The following RTEL1 variants were observed in gnomAD, a reference collection of about 807,000 sequenced individuals.
RTEL1 encodes regulator of telomere elongation helicase 1.
RTEL1 carries 86 observed loss-of-function variants against 162.2 expected under a neutral mutation model. That is an observed-to-expected ratio of 0.53 (90% CI 0.45 to 0.63). The LOEUF (loss-of-function observed/expected upper bound fraction) is 0.63, where lower values mean the gene tolerates loss of function less well. RTEL1 is among the 30% of genes least tolerant of loss of function. The probability of loss-of-function intolerance (pLI) is 0.00; values close to 1 mark genes in which losing one functional copy is unlikely to be tolerated. For missense variants in RTEL1, 1,941 were observed against 1,750.2 expected, an observed-to-expected ratio of 1.11 and a Z score of -1.95; for synonymous variants, 958 against 717.9, an observed-to-expected ratio of 1.33 and a Z score of -5.35.
In RTEL1 at chr20:63,661,648, G is replaced by C; in HGVS notation, c.301+152G>C. The C allele has an allele frequency of 1.0e-6, 1 of 971,436 alleles. No individual in the cohort carries two copies. The highest frequency in any genetic ancestry group is 1.5e-6 in the Non-Finnish European group (1 of 661,278). The allele number at this position is 971,436 out of a possible 1,614,324, so 60.2% of individuals were successfully genotyped here. ...AGCTGCTGTATAATTTCTCGCCATC[G>C]TGGGTGTAAACCTAGGGTTGGGCTT... On this transcript the variant is annotated intron_variant, in intron 3 of 34. Transcript: ENST00000360203. This position sits in a 1 kb window ranked among gnomAD's most constrained non-coding sequence, Gnocchi z 5.1.
chr20:63,659,919 G>C (rs772272210), intron 2 of RTEL1, among the ~76,000 whole-genome samples: 1 of 152,224 alleles, frequency 6.6e-6, no homozygotes, highest in Non-Finnish European at 1.5e-5. Flanking sequence ...ACAGCAAGGT[G>C]ATAGTGGGGA....
Position 63,674,088 on chromosome 20 carries a change from G to A in RTEL1, c.914G>A (p.Ser305Asn), listed in dbSNP as rs1450919419. The A allele has an allele frequency of 1.2e-6, 2 of 1,609,566 alleles. No homozygotes were observed. Among genetic ancestry groups the A allele is most frequent in the Non-Finnish European group, 1.7e-6 (2 of 1,178,328 alleles). Residue 305 changes from serine (S) to asparagine (N), a missense_variant, in exon 10 of 35, where the codon AGC becomes AAC. Ser to Asn is a conservative substitution (Grantham distance 46). Transcript: ENST00000360203. ...CCGGAGTTCAGCGCGGACTCCCCCAGCCCAGGTGCGTTCATAGCCAGACTG... is the reference window on the plus strand; with the variant it reads ...CCGGAGTTCAGCGCGGACTCCCCCAACCCAGGTGCGTTCATAGCCAGACTG... ...PHPEFSADSP[S>N]PGLNMELEDI...
chr20:63,667,643 G>A, intron 8 of RTEL1, 90 bp downstream of exon 8: 1 of 1,079,434 alleles, frequency 9.3e-7, no homozygotes, highest in Non-Finnish European at 1.4e-6. Context: ...GCTGCTTCAG[G>A]GCCTTAGATC....
At position 63,694,970 on chromosome 20, in the gene RTEL1, G is replaced by A. The variant is rs925797188; in HGVS notation, c.3339G>A (p.Leu1113=). Residue 1113 remains leucine, a synonymous_variant, in exon 32 of 35, where the codon CTG becomes CTA. Transcript: ENST00000360203. ...CAAAGCCAGAGGACTTCCCCCTGCT[G>A]CACAGCAAGTGGCCCTGGCGTGGGG... ...TTAKPEDFPL[L]HRFSMFVRPH... is the part of the protein sequence containing the mutation. The A allele has an allele frequency of 6.2e-7, 1 of 1,612,402 alleles. No homozygotes were observed.
At chr20:63,662,428 T>C (rs1414479518) in intron 4 of RTEL1, 118 bp from the exon 5 acceptor site, 4 of 1,558,776 alleles carry the variant, frequency 2.6e-6, no homozygotes, top group East Asian at 2.4e-5. Context: ...GTTTCAGTTA[T>C]GCTCACTTCC....
Position 63,661,816 on chromosome 20 carries a change from A to C in RTEL1, c.302-34A>C, listed in dbSNP as rs1353846305. The C allele has an allele frequency of 2.5e-6, 4 of 1,584,802 alleles. No homozygotes were observed. Among genetic ancestry groups the C allele is most frequent in the Non-Finnish European group, 3.5e-6 (4 of 1,153,364 alleles). ...TGATACGTGAGAACGTTGTCTGAGA[A>C]CCGTGACTTCTGTGCTTGCTTGTGT... On this transcript the variant is annotated intron_variant, in intron 3 of 34. Coordinates refer to ENST00000360203, the MANE Select transcript of RTEL1 (RefSeq NM_001283009.2). The surrounding 1 kb of genome is among the most constrained non-coding windows in gnomAD (Gnocchi z 5.1).
chr20:63,692,397 G>C (rs986385642), intron 28 of RTEL1: 1 of 278,436 alleles, frequency 3.6e-6, no homozygotes, highest in Non-Finnish European at 7.0e-6. Flanking sequence ...GTGTTGGTCT[G>C]GGGTGTGTAG....
chr20:63,672,725 C>A, intron 9 of RTEL1, 104 bp downstream of exon 9: 11 of 959,406 alleles, frequency 1.1e-5, no homozygotes, highest in Non-Finnish European at 1.8e-5. Flanking sequence ...TCCTGAAGCC[C>A]TAGGTGCCCA....
rs949420673 is a variant in RTEL1 at position 63,694,201 on chromosome 20, G to C, written c.2993-171G>C. On this transcript the variant is annotated intron_variant, in intron 30 of 34. Coordinates refer to ENST00000360203, the MANE Select transcript of RTEL1 (RefSeq NM_001283009.2). Reference sequence around the variant, plus strand: ...CCACTGTTCCAGCCCCCATCCAGCAGGCTGGTGTCTCCTCTGATGCCCCCA... The same window carrying C: ...CCACTGTTCCAGCCCCCATCCAGCACGCTGGTGTCTCCTCTGATGCCCCCA... 17 of 629,164 alleles carry C rather than the reference G, an allele frequency of 2.7e-5. No individual in the cohort carries two copies. The South Asian group carries it at 3.1e-4, about 12-fold the overall frequency. 39.0% of individuals were successfully genotyped at this position (629,164 alleles called of 1,614,324 possible).
chr20:63,694,878 C>G lies in RTEL1; in HGVS notation c.3247C>G (p.Leu1083Val). The change falls in exon 32 of 35, where the codon CTG becomes GTG. Residue 1083 changes from leucine (L) to valine (V), a missense_variant. By Grantham distance (32) the Leu-to-Val change is conservative. Transcript: ENST00000360203. Reference sequence around the variant, plus strand: ...GGGCTGTAGCCAACTCTTGGCAGCGCTGACAGCCTATAAGCAAGACGACGA... The same window carrying G: ...GGGCTGTAGCCAACTCTTGGCAGCGGTGACAGCCTATAAGCAAGACGACGA... ...SAGCSQLLAA[L>V]TAYKQDDDLD... The G allele has an allele frequency of 1.2e-6, 2 of 1,612,686 alleles. No individual in the cohort carries two copies. Among genetic ancestry groups the G allele is most frequent in the Non-Finnish European group, 1.7e-6 (2 of 1,179,872 alleles).
At chr20:63,693,064 G>T in intron 29 of RTEL1, 61 bp downstream of exon 29, 4 of 1,609,678 alleles carry the variant, frequency 2.5e-6, no homozygotes, top group Non-Finnish European at 3.4e-6. Flanking sequence ...GTGTGGGGTG[G>T]GGGCCATCTG....
At chr20:63,676,287 G>A (rs2090347736) in intron 10 of RTEL1, among the ~76,000 whole-genome samples, 1 of 152,074 alleles carries the variant, frequency 6.6e-6, no homozygotes, top group Admixed American at 6.6e-5. Context: ...TTATTGAAGA[G>A]CCCAGGCCGT....
chr20:63,692,176 G>A, intron 28 of RTEL1: 1 of 257,996 alleles, frequency 3.9e-6, no homozygotes, highest in East Asian at 1.0e-4. Flanking sequence ...TCAAAGAACG[G>A]AGTTATAGCC....
Position 63,696,042 on chromosome 20 carries a change from C to T in RTEL1, c.*184C>T, listed in dbSNP as rs1002125851. ...GGTGGGACCGGATCTGGGCCTGCCT[C>T]TGAGAAGCCCTGAGCTACCTTGGGG... On this transcript the variant is annotated 3_prime_UTR_variant, in exon 35 of 35. Coordinates refer to ENST00000360203, the MANE Select transcript of RTEL1 (RefSeq NM_001283009.2). The T allele has an allele frequency of 5.8e-5, 35 of 608,166 alleles. 1 individual carries two copies. The highest frequency in any genetic ancestry group is 8.6e-5 in the Non-Finnish European group (30 of 349,138). The allele number at this position is 608,166 out of a possible 1,614,324, so 37.7% of individuals were successfully genotyped here.
At chr20:63,659,831 C>T (rs2089982282) in intron 2 of RTEL1, among the ~76,000 whole-genome samples, 1 of 152,326 alleles carries the variant, frequency 6.6e-6, no homozygotes, top group East Asian at 1.9e-4. Context: ...AGAGGACCTG[C>T]ACCGGCACCA....
intron 14 of RTEL1, chr20:63,681,724 G>A: frequency 1.0e-6 from 1 of 985,306 alleles, no homozygotes; most frequent in Non-Finnish European, 1.2e-6. Flanking sequence ...GGCACAGGGT[G>A]GTGGGGCCCA....
chr20:63,662,433 A>T, intron 4 of RTEL1, 113 bp from the exon 5 acceptor site: 1 of 1,561,072 alleles, frequency 6.4e-7, no homozygotes, highest in Admixed American at 1.9e-5. Context: ...AGTTATGCTC[A>T]CTTCCTCTGA....
chr20:63,689,678 A>AGCAG (rs755094853), intron 23 of RTEL1, 30 bp downstream of exon 23: 12 of 1,606,824 alleles, frequency 7.5e-6, no homozygotes, highest in Non-Finnish European at 1.0e-5. Flanking sequence ...GGCTGGGGTA[A>AGCAG]GGCGGTCTGG....
intron 33 of RTEL1, 26 bp from the exon 34 acceptor site, chr20:63,695,302 C>T (rs202008277): frequency 1.2e-5 from 19 of 1,581,148 alleles, no homozygotes; most frequent in Non-Finnish European, 1.6e-5. Context: ...CCCAGGCCCC[C>T]CTCAGACTCA....
Sources: gnomAD v4.1 joint callset for allele counts (sites outside exome capture counted in the v4.1 genomes callset) on GRCh38, gnomAD v4.1.1 for gene constraint, Gnocchi (gnomAD v3.1) non-coding constraint, MANE v1.5 for transcripts, NCBI Gene and HGNC (gene_info 2026-07-23, HGNC 2026-07-21) for gene names.